The following SLC38A11 variants were observed in gnomAD, a reference collection of about 807,000 sequenced individuals.
The protein encoded by SLC38A11 is putative sodium-coupled neutral amino acid transporter 11.
In SLC38A11, 51 loss-of-function variants were observed where a neutral mutation model predicts 49.4. The ratio of observed to expected loss-of-function variants is 1.03; its 90% CI spans 0.83 to 1.30. SLC38A11 has a LOEUF of 1.30. SLC38A11 is among the 50% of genes most tolerant of loss of function. The pLI is 0.00. For missense variants in SLC38A11, 574 were observed against 556.2 expected (o/e 1.03, Z -0.32); for synonymous variants, 203 against 192.9 (o/e 1.05, Z -0.43).
At position 164,945,848 on chromosome 2, in the gene SLC38A11, G is replaced by A. The variant is rs539929857; in HGVS notation, c.230-121C>T. 5.4e-4 allele frequency: 569 copies of A among 1,050,052 alleles called. 1 individual carries two copies. The highest frequency in any genetic ancestry group is 8.9e-4 in the Admixed American group (33 of 37,130). The allele number at this position is 1,050,052 out of a possible 1,614,324, so 65.0% of individuals were successfully genotyped here. The stretch of plus-strand genomic sequence containing the variant: ...AAGAAGCATTTAATTTAATGCTGCA[G>A]TATTAGCAGAGCCAGGCTAACTTTC... On this transcript the variant is annotated intron_variant, in intron 3 of 11. Coordinates refer to ENST00000685975, the MANE Select transcript of SLC38A11 (RefSeq NM_001351537.2).
At chr2:164,903,251 G>A (rs1167030977) in intron 11 of SLC38A11, among the ~76,000 whole-genome samples, 1 of 152,072 alleles carries the variant, frequency 6.6e-6, no homozygotes, top group Non-Finnish European at 1.5e-5. Context: ...ACAAACATGT[G>A]GCTAATTCAT....
chr2:164,934,835 G>A (rs1687247425), intron 7 of SLC38A11, among the ~76,000 whole-genome samples: 1 of 151,932 alleles, frequency 6.6e-6, no homozygotes, highest in Non-Finnish European at 1.5e-5. Flanking sequence ...CTGTTACTGT[G>A]AATTCAGCTT....
intron 7 of SLC38A11, among the ~76,000 whole-genome samples, chr2:164,935,278 G>A (rs193113479): frequency 3.2e-4 from 48 of 151,078 alleles, no homozygotes; most frequent in Non-Finnish European, 1.9e-4. Flanking sequence ...TTTCTCTCAG[G>A]GCACAACACA....
chr2:164,930,920 A>G (rs992428646), intron 7 of SLC38A11, among the ~76,000 whole-genome samples: 4 of 152,140 alleles, frequency 2.6e-5, no homozygotes, highest in Non-Finnish European at 1.5e-5. Context: ...ATCAGGCAAG[A>G]GAAAGAAATA....
At chr2:164,954,780 A>G (rs947973712) in intron 1 of SLC38A11, 35 bp from the exon 2 acceptor site, 1 of 1,096,466 alleles carries the variant, frequency 9.1e-7, no homozygotes, top group Non-Finnish European at 1.3e-6. Context: ...AGCAAATACT[A>G]GTTCAGAAAA....
chr2:164,927,223 G>A (rs546468121), intron 7 of SLC38A11, among the ~76,000 whole-genome samples: 7 of 152,152 alleles, frequency 4.6e-5, no homozygotes, highest in Middle Eastern at 3.2e-3. Flanking sequence ...GGAGCAGAAA[G>A]AGCAGCCCTC....
intron 7 of SLC38A11, among the ~76,000 whole-genome samples, chr2:164,918,082 GAA>G (rs1264603913): frequency 4.3e-5 from 6 of 139,816 alleles, no homozygotes; most frequent in Admixed American, 7.2e-5. Flanking sequence ...AGTTGTACAG[GAA>G]AAAAAAAAAA....
intron 9 of SLC38A11, among the ~76,000 whole-genome samples, chr2:164,914,052 G>C (rs1185386710): frequency 6.6e-6 from 1 of 152,014 alleles, no homozygotes; most frequent in African/African-American, 2.4e-5. Flanking sequence ...AGAGGGTCAT[G>C]GTTGACCAAA....
intron 7 of SLC38A11, among the ~76,000 whole-genome samples, chr2:164,927,270 A>G (rs1276321327): frequency 6.6e-6 from 1 of 152,110 alleles, no homozygotes; most frequent in Non-Finnish European, 1.5e-5. Context: ...TTGATCTTGG[A>G]CTTCCCAGCC....
chr2:164,933,884 G>T (rs1420999634), intron 7 of SLC38A11, among the ~76,000 whole-genome samples: 1 of 152,068 alleles, frequency 6.6e-6, no homozygotes, highest in Non-Finnish European at 1.5e-5. Context: ...AGACATAAAA[G>T]GTGGCACAGT....
intron 11 of SLC38A11, among the ~76,000 whole-genome samples, chr2:164,903,198 G>C (rs13002418): frequency 8.6e-5 from 13 of 152,012 alleles, no homozygotes; most frequent in South Asian, 4.1e-4. Flanking sequence ...GTGTGTGTGT[G>C]TGTGTATGTG....
intron 10 of SLC38A11, among the ~76,000 whole-genome samples, 164 bp from the exon 11 acceptor site, chr2:164,908,935 C>T (rs1685211597): frequency 6.6e-6 from 1 of 152,140 alleles, no homozygotes; most frequent in Non-Finnish European, 1.5e-5. Flanking sequence ...AAATTACTTA[C>T]ATACAGACAC....
intron 10 of SLC38A11, 130 bp downstream of exon 10, chr2:164,911,506 A>T (rs943718286): frequency 2.3e-6 from 1 of 435,680 alleles, no homozygotes; most frequent in Non-Finnish European, 4.2e-6. Flanking sequence ...GTCAAAAAAG[A>T]AAATTTTACA....
rs567082583 is a variant in SLC38A11 at position 164,927,519 on chromosome 2, C to T, written c.617+9831G>A. 2.2e-4 allele frequency among the ~76,000 whole-genome samples: 33 copies of T among 152,116 alleles called. 1 individual carries two copies. The Middle Eastern group carries it at 0.01, about 47-fold the overall frequency. On this transcript the variant is annotated intron_variant, in intron 7 of 11. Coordinates refer to ENST00000685975, the MANE Select transcript of SLC38A11 (RefSeq NM_001351537.2). ...GGGCCTTTATTTTTATATGGTAGCTCCCCCAGCGAATGGCAAAGTATCCCT... is the reference window on the plus strand; with the variant it reads ...GGGCCTTTATTTTTATATGGTAGCTTCCCCAGCGAATGGCAAAGTATCCCT...
Position 164,954,658 on chromosome 2 carries a change from T to C in SLC38A11, c.127A>G (p.Asn43Asp). The stretch of plus-strand genomic sequence containing the variant: ...ATTATACCAGATCCTATAATCGAGT[T>C]GACAACATTAAAAAGAGCAGCAGAC... Reference protein sequence around the residue: ...CQSAALFNVVNSIIGSGIIGL... With the variant: ...CQSAALFNVVDSIIGSGIIGL... Residue 43 changes from asparagine (N) to aspartate (D), a missense_variant, in exon 2 of 12, where the codon AAC becomes GAC. Coordinates refer to ENST00000685975, the MANE Select transcript of SLC38A11 (RefSeq NM_001351537.2). The C allele has an allele frequency of 6.5e-7, 1 of 1,535,588 alleles. No homozygotes were observed. The highest frequency in any genetic ancestry group is 1.2e-5 in the South Asian group (1 of 80,936).
chr2:164,938,006 CATT>C (rs1487969304), intron 6 of SLC38A11, among the ~76,000 whole-genome samples: 1 of 151,944 alleles, frequency 6.6e-6, no homozygotes, highest in Non-Finnish European at 1.5e-5. Context: ...TCTGTTCTGT[CATT>C]ATATCAACTG....
At chr2:164,953,723 A>T (rs911309781) in intron 2 of SLC38A11, among the ~76,000 whole-genome samples, 2 of 152,228 alleles carry the variant, frequency 1.3e-5, no homozygotes, top group African/African-American at 4.8e-5. Flanking sequence ...TTCAAGAGTA[A>T]GAAAAGTAAC....
intron 7 of SLC38A11, among the ~76,000 whole-genome samples, chr2:164,936,613 G>C (rs1687390173): frequency 6.6e-6 from 1 of 151,992 alleles, no homozygotes; most frequent in African/African-American, 2.4e-5. Context: ...ATTGTGAATT[G>C]TGGAAATCCA....
chr2:164,903,537 C>T (rs1172249228), intron 11 of SLC38A11, among the ~76,000 whole-genome samples: 1 of 152,124 alleles, frequency 6.6e-6, no homozygotes, highest in East Asian at 1.9e-4. Flanking sequence ...CTCAGTCTTA[C>T]TAAAGGTTGT....
Sources: gnomAD v4.1 joint callset for allele counts (sites outside exome capture counted in the v4.1 genomes callset) on GRCh38, gnomAD v4.1.1 for gene constraint, MANE v1.5 for transcripts, NCBI Gene and HGNC (gene_info 2026-07-23, HGNC 2026-07-21) for gene names.